Variants in FBXO27 observed in about 807,000 individuals in gnomAD.
The protein encoded by FBXO27 is F-box only protein 27.
FBXO27 carries 28 observed loss-of-function variants against 28.3 expected under a neutral mutation model. The ratio of observed to expected loss-of-function variants is 0.99; its 90% confidence interval spans 0.73 to 1.36. The LOEUF is 1.36. Ranked by LOEUF, FBXO27 falls within the 40% of genes most tolerant of loss-of-function variation. The pLI is 0.00. For missense variants in FBXO27, 388 were observed against 394.1 expected, an observed-to-expected ratio of 0.98 and a Z score of 0.13; for synonymous variants, 175 against 167.3, an observed-to-expected ratio of 1.05 and a Z score of -0.36.
In FBXO27 at chr19:39,025,504, G is replaced by T. The variant is rs139767377; in HGVS notation, c.759C>A (p.Phe253Leu). The T allele has an allele frequency of 4.3e-6, 7 of 1,614,016 alleles. No individual in the cohort carries two copies. The African/African-American group carries it at 6.7e-5, about 15-fold the overall frequency. Residue 253 changes from phenylalanine (F) to leucine (L), a missense_variant, in exon 6 of 6, where the codon TTC (phenylalanine) becomes TTA (leucine). By Grantham distance (22) the Phe-to-Leu change is conservative. Transcript: ENST00000292853. ...ACTGTGTGTCCTGGCCCCGGTGTTC[G>T]AAAGACACAAAGCGGACGCCCATCT... ...NIKMGVRFVS[F>L]EHRGQDTQFW...
chr19:39,007,097 C>T (rs1211446772), intron 2 of FBXO27, among the ~76,000 whole-genome samples: 1 of 147,986 alleles, frequency 6.8e-6, no homozygotes, highest in African/African-American at 2.5e-5. Flanking sequence ...AGTACAATCC[C>T]AGAGGGCACA....
downstream of FBXO27, among the ~76,000 whole-genome samples, chr19:39,020,141 C>A (rs2072838523): frequency 1.3e-5 from 2 of 152,058 alleles, no homozygotes; most frequent in South Asian, 4.2e-4. Context: ...GAGAAGCAAG[C>A]ACTTAAGGCA....
intron 2 of FBXO27, among the ~76,000 whole-genome samples, chr19:39,010,677 T>C (rs890356531): frequency 3.9e-5 from 6 of 152,208 alleles, no homozygotes; most frequent in Admixed American, 2.0e-4. Flanking sequence ...GACCCAAAAG[T>C]TATTACCCAT....
intron 1 of FBXO27, among the ~76,000 whole-genome samples, chr19:39,016,792 A>AT (rs952620168): frequency 1.3e-5 from 2 of 152,002 alleles, no homozygotes; most frequent in Non-Finnish European, 2.9e-5. Flanking sequence ...CAAAAAAAAA[A>AT]GCATATTAAA....
At chr19:39,029,236 G>A (rs1050117792) in intron 4 of FBXO27, among the ~76,000 whole-genome samples, 6 of 150,864 alleles carry the variant, frequency 4.0e-5, no homozygotes, top group African/African-American at 1.5e-4. Context: ...GACCAGCCTG[G>A]GCAACATGGT....
At chr19:39,014,970 A>C (rs527413667) in intron 1 of FBXO27, among the ~76,000 whole-genome samples, 1 of 150,096 alleles carries the variant, frequency 6.7e-6, no homozygotes, top group Admixed American at 6.7e-5. Context: ...GTGAGCCGAG[A>C]TCACGCTATT....
chr19:39,018,818 C>T (rs928192765), intron 1 of FBXO27, among the ~76,000 whole-genome samples: 1 of 152,268 alleles, frequency 6.6e-6, no homozygotes, highest in African/African-American at 2.4e-5. Flanking sequence ...CCTGGAATCC[C>T]AGCACTTTGG....
chr19:39,026,827 A>T (rs1291931097), intron 5 of FBXO27, 43 bp downstream of exon 5: 2 of 1,611,318 alleles, frequency 1.2e-6, no homozygotes, highest in Admixed American at 3.4e-5. Flanking sequence ...TTGCAGCAAT[A>T]GGCCCCCAGC....
At chr19:39,012,750 G>C (rs1362078724) in intron 2 of FBXO27, among the ~76,000 whole-genome samples, 1 of 151,890 alleles carries the variant, frequency 6.6e-6, no homozygotes, top group Non-Finnish European at 1.5e-5. Context: ...CTGAGGTTGG[G>C]AGTTTGAGAC....
At chr19:39,027,751 C>T (rs1303613083) in intron 4 of FBXO27, among the ~76,000 whole-genome samples, 3 of 151,880 alleles carry the variant, frequency 2.0e-5, no homozygotes, top group Non-Finnish European at 1.5e-5. Context: ...TGGACTCAGG[C>T]GATCTTCCTG....
chr19:39,012,129 G>A (rs993366026), intron 2 of FBXO27, among the ~76,000 whole-genome samples: 10 of 143,402 alleles, frequency 7.0e-5, no homozygotes, highest in African/African-American at 1.3e-4. Flanking sequence ...CACCACGCCC[G>A]GCCGAGCCCT....
At chr19:39,029,278 A>G (rs4802008) in intron 4 of FBXO27, among the ~76,000 whole-genome samples, 26 of 150,890 alleles carry the variant, frequency 1.7e-4, no homozygotes, top group Non-Finnish European at 3.3e-4. Context: ...ATAAAAAAAA[A>G]TAGCCAGGTG....
At chr19:39,030,028 A>G (rs2072893571) in intron 4 of FBXO27, among the ~76,000 whole-genome samples, 2 of 152,078 alleles carry the variant, frequency 1.3e-5, no homozygotes, top group South Asian at 4.1e-4. Flanking sequence ...TTTTTAGTAG[A>G]GATGGGTTTT....
chr19:39,028,820 G>GCCTCA (rs1555758628), intron 4 of FBXO27, among the ~76,000 whole-genome samples: 1 of 151,696 alleles, frequency 6.6e-6, no homozygotes, highest in African/African-American at 2.4e-5. Flanking sequence ...CTGAGATTGT[G>GCCTCA]CCATTGCACT....
intron 3 of FBXO27, 26 bp downstream of exon 3, chr19:39,031,183 G>C (rs763946942): frequency 6.2e-7 from 1 of 1,613,472 alleles, no homozygotes; most frequent in African/African-American, 1.3e-5. Flanking sequence ...CAAGGGGCCG[G>C]ACCTTTGGAT....
chr19:39,006,559 C>CAAAAAAAG (rs769851414), intron 2 of FBXO27, among the ~76,000 whole-genome samples: 8 of 150,398 alleles, frequency 5.3e-5, no homozygotes, highest in Non-Finnish European at 1.2e-4. Context: ...AACTCCTTCT[C>CAAAAAAAG]AAAAAAAGAA....
downstream of FBXO27, among the ~76,000 whole-genome samples, chr19:39,022,750 G>A (rs1468403926): frequency 5.3e-5 from 8 of 152,218 alleles, no homozygotes; most frequent in East Asian, 1.5e-3. Flanking sequence ...CCAGACAGCT[G>A]GGATTACAGG....
At chr19:39,019,190 C>T (rs1201161463), downstream of FBXO27, among the ~76,000 whole-genome samples, 1 of 151,152 alleles carries the variant, frequency 6.6e-6, no homozygotes, top group African/African-American at 2.4e-5. Context: ...TTTGGGAGGC[C>T]AAGGTGGGCG....
Position 39,025,106 on chromosome 19 carries a change from GA to G in FBXO27, c.*304del, listed in dbSNP as rs2072865126. Reference sequence around the variant, plus strand: ...GAGGGTTTTGGTTGGGAGGAGAAGAGAGGGGAGGGCAAGAATTCTTCTCCAG... The same window carrying G: ...GAGGGTTTTGGTTGGGAGGAGAAGAGGGGGAGGGCAAGAATTCTTCTCCAG... On this transcript the variant is annotated 3_prime_UTR_variant, in exon 6 of 6. Transcript: ENST00000292853. 3.2e-6 allele frequency: 1 copy of G among 316,188 alleles called. No homozygotes were observed. The highest frequency in any genetic ancestry group is 9.5e-4 in the Middle Eastern group (1 of 1,056). 19.6% of individuals were successfully genotyped at this position (316,188 alleles called of 1,614,324 possible).
Sources: allele counts gnomAD v4.1 joint callset (sites outside exome capture counted in the v4.1 genomes callset), GRCh38; gene constraint gnomAD v4.1.1; transcripts MANE v1.5; gene names NCBI Gene and HGNC (gene_info 2026-07-23, HGNC 2026-07-21).